CRK: variants seen among roughly 807,000 people sequenced by gnomAD.
CRK encodes adapter molecule crk.
Under a neutral mutation model 29.8 loss-of-function variants are expected in CRK, and 4 were observed. The ratio of observed to expected loss-of-function variants is 0.13; its 90% confidence interval spans 0.07 to 0.31. The LOEUF (loss-of-function observed/expected upper bound fraction) is 0.31, where lower values mean the gene tolerates loss of function less well. Ranked by LOEUF, CRK falls within the 10% of genes least tolerant of loss-of-function variation. CRK has a pLI of 1.00. For missense variants in CRK, 274 were observed against 396.5 expected (o/e 0.69, Z 2.62); for synonymous variants, 153 against 164.9 (o/e 0.93, Z 0.55).
At chr17:1,442,638 T>G (rs988301895) in intron 1 of CRK, among the ~76,000 whole-genome samples, 19 of 143,518 alleles carry the variant, frequency 1.3e-4, no homozygotes, top group African/African-American at 4.4e-4. Flanking sequence ...GACAGAGTCT[T>G]GCTCTGTCTC....
chr17:1,433,824 GGTT>G lies in CRK; in HGVS notation c.777+2793_777+2795del, dbSNP rs1182623663. ...GTGAGCCACCGCACCCAGCATGTAT[GGTT>G]TTTTTTTTTTTTTTTTTTTTAGATC... On this transcript the variant is annotated intron_variant, in intron 2 of 2. Coordinates refer to ENST00000300574, the MANE Select transcript of CRK (RefSeq NM_016823.4). Among the ~76,000 whole-genome samples, 4 of 88,834 alleles carry G rather than the reference GGTT, an allele frequency of 4.5e-5. No individual in the cohort carries two copies. The South Asian group carries it at 1.1e-3, about 25-fold the overall frequency. 58.3% of individuals were successfully genotyped at this position (88,834 alleles called of 152,430 possible). A position where few individuals can be genotyped will look rare whatever the true frequency, so the allele number is the denominator to read the frequency against.
chr17:1,443,681 G>A (rs916771336), intron 1 of CRK, among the ~76,000 whole-genome samples: 9 of 151,624 alleles, frequency 5.9e-5, no homozygotes, highest in African/African-American at 2.2e-4. Flanking sequence ...TTACAGGCGT[G>A]AGCCACCGCG....
At chr17:1,444,467 G>A (rs754929931) in intron 1 of CRK, among the ~76,000 whole-genome samples, 16 of 152,044 alleles carry the variant, frequency 1.1e-4, no homozygotes, top group Non-Finnish European at 1.8e-4. Context: ...GGAGCCTGCA[G>A]TGAGTCAAGA....
At chr17:1,423,758 A>G in intron 2 of CRK, 108 bp from the exon 3 acceptor site, 1 of 1,390,090 alleles carries the variant, frequency 7.2e-7, no homozygotes, top group Non-Finnish European at 9.7e-7. Flanking sequence ...CTCTAGGGAT[A>G]TTACAGAAAT....
chr17:1,439,826 G>C (rs1420282905), intron 1 of CRK, among the ~76,000 whole-genome samples: 1 of 152,042 alleles, frequency 6.6e-6, no homozygotes, highest in East Asian at 1.9e-4. Flanking sequence ...CTGGGCAACA[G>C]AGCAAGACTC....
Position 1,423,669 on chromosome 17 carries a change from G to C in CRK, c.778-19C>G, listed in dbSNP as rs376468359. On this transcript the variant is annotated intron_variant, in intron 2 of 2. Transcript: ENST00000300574. ...CACCGACCTGCAGGAGGAGAATAAG[G>C]AGAGCACTTTATTTCCAGGTAGGAA... The C allele has an allele frequency of 1.9e-5, 31 of 1,612,704 alleles. No individual in the cohort carries two copies. The highest frequency in any genetic ancestry group is 2.5e-5 in the Non-Finnish European group (30 of 1,179,264).
intron 2 of CRK, among the ~76,000 whole-genome samples, chr17:1,433,898 C>A (rs2073867145): frequency 6.7e-6 from 1 of 148,326 alleles, no homozygotes; most frequent in South Asian, 2.2e-4. Flanking sequence ...CCGGATCTCA[C>A]CATGTTGCCC....
intron 1 of CRK, among the ~76,000 whole-genome samples, chr17:1,449,775 A>G (rs1193964489): frequency 1.3e-5 from 2 of 152,168 alleles, no homozygotes; most frequent in Non-Finnish European, 2.9e-5. Flanking sequence ...GCCCTTCCTT[A>G]TGGCCCCAGG....
chr17:1,429,941 AAAAC>A (rs1428826731), intron 2 of CRK, among the ~76,000 whole-genome samples: 1 of 152,020 alleles, frequency 6.6e-6, no homozygotes, highest in East Asian at 1.9e-4. Context: ...AAAAAAGAGA[AAAAC>A]AACCAAAAAC....
intron 1 of CRK, among the ~76,000 whole-genome samples, chr17:1,443,254 T>C (rs1435859471): frequency 6.6e-6 from 1 of 152,078 alleles, no homozygotes; most frequent in Non-Finnish European, 1.5e-5. Context: ...AGTGTTGGGA[T>C]TACAGGTGTG....
chr17:1,445,411 G>A lies in CRK; in HGVS notation c.242-8256C>T, dbSNP rs1178852449. Among the ~76,000 whole-genome samples the A allele has an allele frequency of 3.9e-5, 6 of 152,222 alleles. No homozygotes were observed. The East Asian group carries it at 5.8e-4, about 15-fold the overall frequency. On this transcript the variant is annotated intron_variant, in intron 1 of 2. Coordinates refer to ENST00000300574, the MANE Select transcript of CRK (RefSeq NM_016823.4). ...GGCTGTCTCTCCAATTTAAGACACT[G>A]AAAGGGGTGCGAGTGCCAGGACTGT...
intron 1 of CRK, among the ~76,000 whole-genome samples, chr17:1,446,298 G>A (rs2073974272): frequency 6.6e-6 from 1 of 152,126 alleles, no homozygotes; most frequent in Non-Finnish European, 1.5e-5. Context: ...AACGCACTGT[G>A]TCCTGAGATA....
At position 1,422,905 on chromosome 17, in the gene CRK, G is replaced by A. The variant is rs1468357922; in HGVS notation, c.*608C>T. The A allele has an allele frequency of 2.5e-6, 1 of 398,876 alleles. No individual in the cohort carries two copies. The highest frequency in any genetic ancestry group is 3.6e-5 in the East Asian group (1 of 28,092). The allele number at this position is 398,876 out of a possible 1,614,324, so 24.7% of individuals were successfully genotyped here. On this transcript the variant is annotated 3_prime_UTR_variant, in exon 3 of 3. Coordinates refer to ENST00000300574, the MANE Select transcript of CRK (RefSeq NM_016823.4). The stretch of plus-strand genomic sequence containing the variant: ...ACTTACAGGTTTGGGGGACAAGAAT[G>A]TCAAGGGCTAAAAGAATCCCAAGAA...
rs141228329 is a variant in CRK, at chr17:1,453,870, C to T, written c.241+2007G>A. On this transcript the variant is annotated intron_variant, in intron 1 of 2. Coordinates refer to ENST00000300574, the MANE Select transcript of CRK (RefSeq NM_016823.4). ...TTGCAGTGAGCTGAGATTGCACCAT[C>T]GCACTCCAGCCTGGGCAACAAAAGC... 5.5e-3 allele frequency among the ~76,000 whole-genome samples: 836 copies of T among 151,770 alleles called. 12 individuals carry two copies. The highest frequency in any genetic ancestry group is 0.019 in the African/African-American group (777 of 41,398).
intron 2 of CRK, among the ~76,000 whole-genome samples, chr17:1,424,215 T>C (rs1322929144): frequency 3.3e-5 from 5 of 151,932 alleles, no homozygotes; most frequent in African/African-American, 9.7e-5. Context: ...TACAGGCGCC[T>C]GCCACCGTGC....
At chr17:1,444,596 G>T (rs894281554) in intron 1 of CRK, among the ~76,000 whole-genome samples, 2 of 24,874 alleles carry the variant, frequency 8.0e-5, no homozygotes, top group East Asian at 7.3e-4. Flanking sequence ...AAGCCGAAGC[G>T]GGGGGGGGGA....
intron 1 of CRK, among the ~76,000 whole-genome samples, chr17:1,449,994 A>G (rs2074004974): frequency 6.6e-6 from 1 of 151,770 alleles, no homozygotes; most frequent in Non-Finnish European, 1.5e-5. Flanking sequence ...AGGTCAGGAG[A>G]TCGAGACCAG....
chr17:1,451,777 G>A (rs1181460152), intron 1 of CRK, among the ~76,000 whole-genome samples: 1 of 151,042 alleles, frequency 6.6e-6, no homozygotes, highest in Non-Finnish European at 1.5e-5. Context: ...TCAGGAGTTC[G>A]AGACCAGCCT....
At position 1,423,286 on chromosome 17, in the gene CRK, C is replaced by T. The variant is rs2073745550; in HGVS notation, c.*227G>A. 3.4e-6 allele frequency: 2 copies of T among 587,668 alleles called. No individual in the cohort carries two copies. The highest frequency in any genetic ancestry group is 1.9e-5 in the African/African-American group (1 of 52,968). 36.4% of individuals were successfully genotyped at this position (587,668 alleles called of 1,614,324 possible). ...ATACACACAGGCACGACCACTACCG[C>T]CTCCAATTGCCAATTCAGAAGCTAA... On this transcript the variant is annotated 3_prime_UTR_variant, in exon 3 of 3. Coordinates refer to ENST00000300574, the MANE Select transcript of CRK (RefSeq NM_016823.4).
Sources: allele counts gnomAD v4.1 joint callset (sites outside exome capture counted in the v4.1 genomes callset), GRCh38; gene constraint gnomAD v4.1.1; transcripts MANE v1.5; gene names NCBI Gene and HGNC (gene_info 2026-07-23, HGNC 2026-07-21).